The following MID2 variants were observed in gnomAD, a reference collection of about 807,000 sequenced individuals.
The protein encoded by MID2 is probable E3 ubiquitin-protein ligase MID2.
MID2 carries 13 observed loss-of-function variants against 46.1 expected under a neutral mutation model. The observed-to-expected ratio is 0.28, with a 90% CI of 0.18 to 0.45. The LOEUF (loss-of-function observed/expected upper bound fraction) is 0.45. Ranked by LOEUF, MID2 falls within the 20% of genes least tolerant of loss-of-function variation. MID2 has a pLI of 1.00. For synonymous variants in MID2, 199 were observed against 212.3 expected (o/e 0.94, Z 0.55); for missense variants, 431 against 575.4 (o/e 0.75, Z 2.57).
chrX:107,869,629 C>T (rs936245768), intron 3 of MID2, among the ~76,000 whole-genome samples: 1 of 110,538 alleles, frequency 9.0e-6, no homozygotes, highest in Non-Finnish European at 1.9e-5. Context: ...TTTTTGGGAC[C>T]GTCTCTTTAA....
At chrX:107,878,586 G>A (rs780113494) in intron 3 of MID2, among the ~76,000 whole-genome samples, 1 of 112,294 alleles carries the variant, frequency 8.9e-6, no homozygotes, top group South Asian at 3.7e-4. Flanking sequence ...GCATCTTGGC[G>A]GACCACCTAT....
chrX:107,922,074 A>G (rs187297845), intron 7 of MID2, among the ~76,000 whole-genome samples: 140 of 111,966 alleles, frequency 1.3e-3, no homozygotes, highest in African/African-American at 4.3e-3. Flanking sequence ...GTGCATATTT[A>G]TGTGCACATA....
chrX:107,894,415 A>T (rs1932671885), intron 3 of MID2, among the ~76,000 whole-genome samples: 1 of 111,832 alleles, frequency 8.9e-6, no homozygotes, highest in African/African-American at 3.3e-5. Flanking sequence ...GTGGTCTCCT[A>T]GAATCTCCTA....
intron 1 of MID2, among the ~76,000 whole-genome samples, chrX:107,832,427 T>C (rs1012492879): frequency 4.5e-5 from 5 of 112,290 alleles, no homozygotes; most frequent in African/African-American, 1.6e-4. Context: ...TTTTTGGCTT[T>C]TCTTAATAAC....
At chrX:107,907,644 T>C (rs1376366045) in intron 5 of MID2, among the ~76,000 whole-genome samples, 4 of 111,415 alleles carry the variant, frequency 3.6e-5, no homozygotes, top group African/African-American at 1.3e-4. Flanking sequence ...ACCCCATGAC[T>C]TTCCTCTACT....
At chrX:107,905,419 G>T (rs1476879578) in intron 4 of MID2, 59 bp from the exon 5 acceptor site, 3 of 976,557 alleles carry the variant, frequency 3.1e-6, no homozygotes, top group Non-Finnish European at 4.3e-6. Flanking sequence ...GTTTTTTATT[G>T]TTTTTAATTA....
intron 6 of MID2, 69 bp downstream of exon 6, chrX:107,916,198 ATTTG>A: frequency 1.2e-6 from 1 of 868,372 alleles, no homozygotes; most frequent in Non-Finnish European, 1.5e-6. Flanking sequence ...CTTAAAAATA[ATTTG>A]AAAAAGACAA....
chrX:107,858,008 G>T (rs1931779365), intron 3 of MID2, among the ~76,000 whole-genome samples: 1 of 111,798 alleles, frequency 8.9e-6, no homozygotes, highest in South Asian at 3.7e-4. Flanking sequence ...TCATAAAAGG[G>T]CCATAAATAC....
At chrX:107,898,714 A>G (rs1218974702) in intron 3 of MID2, among the ~76,000 whole-genome samples, 3 of 111,770 alleles carry the variant, frequency 2.7e-5, no homozygotes, top group African/African-American at 9.8e-5. Context: ...GGTATGTGGG[A>G]GACACTCAAT....
At chrX:107,868,046 G>A (rs1045186169) in intron 3 of MID2, among the ~76,000 whole-genome samples, 140 of 111,852 alleles carry the variant, frequency 1.3e-3, no homozygotes, top group African/African-American at 4.5e-3. Flanking sequence ...TTGGATTGTG[G>A]TAATGGTTAC....
chrX:107,916,703 G>C (rs150699274), intron 6 of MID2, among the ~76,000 whole-genome samples: 129 of 112,299 alleles, frequency 1.1e-3, no homozygotes, highest in Non-Finnish European at 1.9e-3. Context: ...TTAAATAGCT[G>C]CTCCTTATTG....
intron 5 of MID2, among the ~76,000 whole-genome samples, chrX:107,906,897 T>G (rs1051500507): frequency 2.7e-5 from 3 of 112,685 alleles, no homozygotes; most frequent in African/African-American, 9.7e-5. Flanking sequence ...ACAATTCTTT[T>G]TTTCTTCAAA....
intron 1 of MID2, among the ~76,000 whole-genome samples, chrX:107,838,857 A>G (rs1461973226): frequency 8.9e-6 from 1 of 112,239 alleles, no homozygotes; most frequent in East Asian, 2.8e-4. Flanking sequence ...CTGTAATCCC[A>G]GCACTTTGGG....
chrX:107,865,718 C>T (rs753645730), intron 3 of MID2, among the ~76,000 whole-genome samples: 7 of 112,539 alleles, frequency 6.2e-5, no homozygotes, highest in Non-Finnish European at 1.1e-4. Flanking sequence ...ATATCCCAAG[C>T]CTGTTCCAGC....
intron 1 of MID2, among the ~76,000 whole-genome samples, chrX:107,834,801 A>T (rs1208826442): frequency 4.5e-5 from 5 of 111,937 alleles, no homozygotes; most frequent in African/African-American, 1.6e-4. Context: ...TTGTTAGTAT[A>T]GTATAGTGAT....
At chrX:107,922,726 T>C (rs1159706212) in intron 7 of MID2, among the ~76,000 whole-genome samples, 1 of 112,226 alleles carries the variant, frequency 8.9e-6, no homozygotes, top group Non-Finnish European at 1.9e-5. Context: ...ATACTACATA[T>C]ACATATATAC....
chrX:107,840,703 C>T lies in MID2; in HGVS notation c.38C>T (p.Ser13Leu), dbSNP rs1002656644. The T allele has an allele frequency of 2.5e-6, 3 of 1,209,241 alleles. No homozygotes were observed. Among genetic ancestry groups the T allele is most frequent in the Admixed American group, 2.2e-5 (1 of 45,758 alleles). ...CCAGCCTCCGTGGTTCTTAATGCCT[C>T]AGGAGGACTATTTTCACTAAAGATG... ...ESPASVVLNA[S>L]GGLFSLKMET... Residue 13 changes from serine (S) to leucine (L), a missense_variant, in exon 2 of 10, where the codon TCA becomes TTA. Ser to Leu is a moderately radical substitution (Grantham distance 145). Transcript: ENST00000262843.
intron 3 of MID2, among the ~76,000 whole-genome samples, chrX:107,885,775 C>T (rs924592130): frequency 4.5e-5 from 5 of 111,810 alleles, no homozygotes; most frequent in Non-Finnish European, 7.5e-5. Context: ...ACATCCTCTC[C>T]GGCACCTGTT....
At chrX:107,851,519 G>A (rs1349995128) in intron 2 of MID2, among the ~76,000 whole-genome samples, 1 of 111,041 alleles carries the variant, frequency 9.0e-6, no homozygotes, top group Admixed American at 9.6e-5. Context: ...TCTAACCAGT[G>A]TCCTTCCCCC....
Sources: gnomAD v4.1 joint callset for allele counts (sites outside exome capture counted in the v4.1 genomes callset) on GRCh38, gnomAD v4.1.1 for gene constraint, MANE v1.5 for transcripts, NCBI Gene and HGNC (gene_info 2026-07-23, HGNC 2026-07-21) for gene names.